Variants in ZZZ3 observed in about 807,000 individuals in gnomAD.
ZZZ3 encodes ZZ-type zinc finger-containing protein 3.
Under a neutral mutation model 95.2 loss-of-function variants are expected in ZZZ3, and 22 were observed. That is an observed-to-expected ratio of 0.23 (90% CI 0.17 to 0.33). The LOEUF (loss-of-function observed/expected upper bound fraction) is 0.33, where lower values mean the gene tolerates loss of function less well. Among genes scored for constraint, ZZZ3 ranks in the 10% least tolerant of loss-of-function variants. ZZZ3 has a pLI of 1.00. For synonymous variants in ZZZ3, 335 were observed against 358.9 expected, an observed-to-expected ratio of 0.93 and a Z score of 0.75; for missense variants, 885 against 1,066.5, an observed-to-expected ratio of 0.83 and a Z score of 2.37.
chr1:77,636,606 T>C (rs1423164703), intron 4 of ZZZ3, among the ~76,000 whole-genome samples: 2 of 148,780 alleles, frequency 1.3e-5, no homozygotes, highest in East Asian at 4.0e-4. Context: ...TCCCAGGTAC[T>C]AGGGAGGCTG....
chr1:77,593,127 T>C (rs1171577441), intron 5 of ZZZ3, among the ~76,000 whole-genome samples: 1 of 152,160 alleles, frequency 6.6e-6, no homozygotes, highest in African/African-American at 2.4e-5. Context: ...GTTGGGATCC[T>C]GAAAGGCTAT....
At chr1:77,612,621 C>T (rs1213990408) in intron 5 of ZZZ3, among the ~76,000 whole-genome samples, 1 of 152,016 alleles carries the variant, frequency 6.6e-6, no homozygotes, top group African/African-American at 2.4e-5. Flanking sequence ...AAAGGAGATA[C>T]TGCCATTTGC....
intron 5 of ZZZ3, among the ~76,000 whole-genome samples, chr1:77,589,249 C>T (rs940693528): frequency 2.6e-5 from 4 of 152,106 alleles, no homozygotes; most frequent in African/African-American, 9.7e-5. Context: ...AGTATAAATG[C>T]CCCTTCAAGT....
In ZZZ3 at chr1:77,581,939, G is replaced by C. The variant is rs1475754201; in HGVS notation, c.1792+40C>G. 2.5e-6 allele frequency: 4 copies of C among 1,602,110 alleles called. No homozygotes were observed. In the East Asian group the frequency reaches 8.9e-5, roughly 36 times the overall value. On this transcript the variant is annotated intron_variant, in intron 7 of 14. Coordinates refer to ENST00000370801, the MANE Select transcript of ZZZ3 (RefSeq NM_015534.6). ...GAACTGTTAAAGCAAAACATTGCCA[G>C]ATATTTTTCTACTTAAATTCTTATC...
intron 8 of ZZZ3, among the ~76,000 whole-genome samples, chr1:77,581,356 A>G (rs191451974): frequency 2.0e-5 from 3 of 152,332 alleles, no homozygotes; most frequent in African/African-American, 4.8e-5. Context: ...GAAAAGTAAC[A>G]TGTCCACTGA....
intron 5 of ZZZ3, among the ~76,000 whole-genome samples, chr1:77,626,552 T>A (rs183374207): frequency 4.6e-5 from 7 of 152,254 alleles, no homozygotes; most frequent in Admixed American, 2.6e-4. Context: ...CCTATGAGAA[T>A]CTAATTTCAC....
intron 1 of ZZZ3, among the ~76,000 whole-genome samples, chr1:77,654,905 T>C (rs1670134774): frequency 6.6e-6 from 1 of 152,128 alleles, no homozygotes; most frequent in Non-Finnish European, 1.5e-5. Flanking sequence ...CACCTTTGCC[T>C]CCCAAAGTGC....
chr1:77,638,770 G>A lies in ZZZ3; in HGVS notation c.-52+679C>T, dbSNP rs78969359. On this transcript the variant is annotated intron_variant, in intron 4 of 14. Coordinates refer to ENST00000370801, the MANE Select transcript of ZZZ3 (RefSeq NM_015534.6). ...AAAAAAGAGCAAATGCAACTGGAAA[G>A]TGTAACCAATATGATTCTTTTTCTA... Among the ~76,000 whole-genome samples the A allele has an allele frequency of 7.1e-3, 1,076 of 152,292 alleles. 15 individuals carry two copies. Among genetic ancestry groups the A allele is most frequent in the African/African-American group, 0.024 (1,000 of 41,550 alleles).
intron 1 of ZZZ3, among the ~76,000 whole-genome samples, chr1:77,644,315 T>C (rs1557757168): frequency 6.6e-6 from 1 of 152,338 alleles, no homozygotes; most frequent in East Asian, 1.9e-4. Flanking sequence ...TCCACCCACC[T>C]TGGCCTCCCA....
intron 5 of ZZZ3, among the ~76,000 whole-genome samples, chr1:77,631,629 A>C (rs1023141970): frequency 1.3e-5 from 2 of 152,188 alleles, no homozygotes; most frequent in South Asian, 4.1e-4. Flanking sequence ...TGAGACATGA[A>C]ATATCAGAAC....
At chr1:77,594,048 T>C (rs190100342) in intron 5 of ZZZ3, among the ~76,000 whole-genome samples, 1 of 152,312 alleles carries the variant, frequency 6.6e-6, no homozygotes, top group South Asian at 2.1e-4. Context: ...ATTCCATTTA[T>C]GTTGTATACA....
At chr1:77,607,633 T>C (rs943408420) in intron 5 of ZZZ3, among the ~76,000 whole-genome samples, 1 of 151,836 alleles carries the variant, frequency 6.6e-6, no homozygotes, top group Non-Finnish European at 1.5e-5. Flanking sequence ...TATTTGAAAA[T>C]ACAGAGAGGA....
intron 1 of ZZZ3, chr1:77,645,712 C>T (rs1408637359): frequency 6.6e-6 from 1 of 152,072 alleles, no homozygotes; most frequent in Non-Finnish European, 1.5e-5. Context: ...TGGCTCACGC[C>T]TGTAATGCAG....
rs3738078 is a variant in ZZZ3, at chr1:77,580,763, G to A, written c.1980+235C>T. The A allele has an allele frequency of 2.7e-5, 9 of 333,374 alleles. No homozygotes were observed. In the East Asian group the frequency reaches 4.7e-4, roughly 18 times the overall value. The allele number at this position is 333,374 out of a possible 1,614,324, so 20.7% of individuals were successfully genotyped here. ...TCCTGCCTCAGCCTCCCGAGTAGCT[G>A]GGATTATATATGCACACGCCATCAC... is the stretch of plus-strand genomic sequence containing the variant. On this transcript the variant is annotated intron_variant, in intron 9 of 14. Coordinates refer to ENST00000370801, the MANE Select transcript of ZZZ3 (RefSeq NM_015534.6).
At chr1:77,588,587 C>T (rs1186250635) in intron 5 of ZZZ3, among the ~76,000 whole-genome samples, 1 of 152,110 alleles carries the variant, frequency 6.6e-6, no homozygotes, top group African/African-American at 2.4e-5. Context: ...CACCCAATCA[C>T]CATAGATGTT....
At chr1:77,583,372 T>C (rs1281202756) in intron 6 of ZZZ3, among the ~76,000 whole-genome samples, 1 of 152,196 alleles carries the variant, frequency 6.6e-6, no homozygotes, top group Non-Finnish European at 1.5e-5. Context: ...CTTATATCTT[T>C]TTGTACCAGT....
intron 5 of ZZZ3, among the ~76,000 whole-genome samples, chr1:77,623,914 T>A (rs1045192241): frequency 6.6e-6 from 1 of 151,692 alleles, no homozygotes; most frequent in Non-Finnish European, 1.5e-5. Flanking sequence ...AAGATTCCAC[T>A]GAAAAGTAAG....
intron 5 of ZZZ3, among the ~76,000 whole-genome samples, chr1:77,613,794 C>T (rs1366867624): frequency 6.6e-6 from 1 of 152,094 alleles, no homozygotes; most frequent in Non-Finnish European, 1.5e-5. Flanking sequence ...TACATATTGA[C>T]TTTTCCCCTA....
At chr1:77,652,410 A>T (rs972158519) in intron 1 of ZZZ3, among the ~76,000 whole-genome samples, 8 of 152,204 alleles carry the variant, frequency 5.3e-5, no homozygotes. Flanking sequence ...CTTCACACCC[A>T]CTAGTATTGC....
Sources: allele counts gnomAD v4.1 joint callset (sites outside exome capture counted in the v4.1 genomes callset), GRCh38; gene constraint gnomAD v4.1.1; transcripts MANE v1.5; gene names NCBI Gene and HGNC (gene_info 2026-07-23, HGNC 2026-07-21).